MAGI2: variants seen among roughly 807,000 people sequenced by gnomAD.
The protein encoded by MAGI2 is membrane associated guanylate kinase, WW and PDZ domain containing 2, also known as membrane-associated guanylate kinase, WW and PDZ domain-containing protein 2.
In MAGI2, 35 loss-of-function variants were observed where a neutral mutation model predicts 133.3. The observed-to-expected ratio is 0.26, with a 90% confidence interval of 0.20 to 0.35. The LOEUF is 0.35. Among genes scored for constraint, MAGI2 ranks in the 10% least tolerant of loss-of-function variants. MAGI2 has a pLI of 1.00. For missense variants in MAGI2, 1,636 were observed against 1,863.4 expected, an observed-to-expected ratio of 0.88 and a Z score of 2.25; for synonymous variants, 729 against 710.6, an observed-to-expected ratio of 1.03 and a Z score of -0.41.
chr7:78,680,867 G>A (rs997101684), intron 2 of MAGI2, among the ~76,000 whole-genome samples: 1 of 152,038 alleles, frequency 6.6e-6, no homozygotes, highest in Non-Finnish European at 1.5e-5. Context: ...GAGAGGGCTG[G>A]GATAAGCACT....
chr7:78,915,450 A>G (rs1427537426), intron 2 of MAGI2, among the ~76,000 whole-genome samples: 1 of 152,124 alleles, frequency 6.6e-6, no homozygotes, highest in African/African-American at 2.4e-5. Context: ...GCATATAAAT[A>G]AAATTATATT....
At chr7:79,324,657 ATATATATATAAAATATATATATAT>A (rs1563116749) in intron 1 of MAGI2, among the ~76,000 whole-genome samples, 34 of 2,516 alleles carry the variant, frequency 0.014, 7 homozygotes, top group Non-Finnish European at 0.095. Flanking sequence ...TATATATATT[ATATATATATAAAATATATATATAT>A]TATATATATA....
intron 6 of MAGI2, among the ~76,000 whole-genome samples, chr7:78,395,230 A>G (rs10234248): frequency 0.54 from 81,945 of 152,034 alleles, 23,003 homozygotes; most frequent in Middle Eastern, 0.66. Flanking sequence ...GAAAGCAGAA[A>G]GATAAGCACA....
chr7:78,074,197 A>T (rs1815030433), intron 21 of MAGI2, among the ~76,000 whole-genome samples: 1 of 152,184 alleles, frequency 6.6e-6, no homozygotes, highest in East Asian at 1.9e-4. Flanking sequence ...GTAATTAGAG[A>T]TGACATATTT....
At chr7:78,033,895 C>T (rs1189826424) in intron 21 of MAGI2, among the ~76,000 whole-genome samples, 1 of 152,028 alleles carries the variant, frequency 6.6e-6, no homozygotes, top group Non-Finnish European at 1.5e-5. Flanking sequence ...GGACCCTCAC[C>T]CTGTAGACAA....
intron 2 of MAGI2, among the ~76,000 whole-genome samples, chr7:78,843,899 A>G (rs1438663288): frequency 6.6e-6 from 1 of 150,546 alleles, no homozygotes; most frequent in African/African-American, 2.4e-5. Flanking sequence ...AAAAATGCAG[A>G]TTTTGAGGCA....
At chr7:79,237,900 T>C (rs1832064196) in intron 1 of MAGI2, among the ~76,000 whole-genome samples, 1 of 152,162 alleles carries the variant, frequency 6.6e-6, no homozygotes, top group South Asian at 2.1e-4. Context: ...TTCCTTAGGA[T>C]AGACTTCTGG....
At chr7:78,507,584 C>G (rs1795199245) in intron 4 of MAGI2, among the ~76,000 whole-genome samples, 1 of 152,102 alleles carries the variant, frequency 6.6e-6, no homozygotes, top group Non-Finnish European at 1.5e-5. Context: ...GAAGACATGT[C>G]TCCCCCAACT....
At chr7:79,212,120 AT>A (rs1412318134) in intron 1 of MAGI2, among the ~76,000 whole-genome samples, 8 of 152,226 alleles carry the variant, frequency 5.3e-5, no homozygotes, top group African/African-American at 1.9e-4. Flanking sequence ...ACTTATTACA[AT>A]ACACATACTT....
intron 1 of MAGI2, among the ~76,000 whole-genome samples, chr7:79,263,378 T>C (rs1405391693): frequency 6.6e-6 from 1 of 152,002 alleles, no homozygotes; most frequent in Non-Finnish European, 1.5e-5. Context: ...TAGAGGTAAA[T>C]AGAAATAGCA....
intron 2 of MAGI2, among the ~76,000 whole-genome samples, chr7:78,698,271 C>A (rs993452363): frequency 2.0e-5 from 3 of 151,950 alleles, no homozygotes; most frequent in Non-Finnish European, 2.9e-5. Context: ...TCTGAAAATT[C>A]GAAATCCAAA....
chr7:79,345,891 C>A (rs553845842), intron 1 of MAGI2, among the ~76,000 whole-genome samples: 1 of 152,002 alleles, frequency 6.6e-6, no homozygotes, highest in Non-Finnish European at 1.5e-5. Flanking sequence ...CCATTATTTC[C>A]ACTGTTGCAC....
At chr7:78,109,613 C>T (rs1359238053) in intron 20 of MAGI2, among the ~76,000 whole-genome samples, 1 of 152,104 alleles carries the variant, frequency 6.6e-6, no homozygotes, top group African/African-American at 2.4e-5. Context: ...GCCTGGGAGA[C>T]ATAGCAAGAC....
chr7:79,118,844 T>C (rs1403999240), intron 1 of MAGI2, among the ~76,000 whole-genome samples: 1 of 152,098 alleles, frequency 6.6e-6, no homozygotes, highest in African/African-American at 2.4e-5. Context: ...TCTTTATATA[T>C]ATCAATTAAG....
chr7:78,287,570 C>CAA (rs1227778557), intron 9 of MAGI2, among the ~76,000 whole-genome samples: 2 of 151,996 alleles, frequency 1.3e-5, no homozygotes, highest in Non-Finnish European at 2.9e-5. Flanking sequence ...TATTAGCTTT[C>CAA]AAAAATCTGT....
At chr7:78,059,775 A>ATTTTTTTTTT (rs141199304) in intron 21 of MAGI2, among the ~76,000 whole-genome samples, 1 of 89,446 alleles carries the variant, frequency 1.1e-5, no homozygotes, top group African/African-American at 4.2e-5. Flanking sequence ...ATATATATAT[A>ATTTTTTTTTT]TATTTTTTTT....
chr7:78,119,652 C>G (rs1251151207), intron 20 of MAGI2, among the ~76,000 whole-genome samples: 1 of 145,890 alleles, frequency 6.9e-6, no homozygotes, highest in Non-Finnish European at 1.5e-5. Context: ...TGTATCAATA[C>G]TTATTTGTCC....
chr7:78,141,406 A>G (rs754191782), intron 16 of MAGI2, among the ~76,000 whole-genome samples: 1 of 152,084 alleles, frequency 6.6e-6, no homozygotes, highest in Non-Finnish European at 1.5e-5. Flanking sequence ...ATTGTGACAA[A>G]CCCATTCAGA....
At chr7:78,866,904 A>C (rs561646510) in intron 2 of MAGI2, among the ~76,000 whole-genome samples, 1 of 152,160 alleles carries the variant, frequency 6.6e-6, no homozygotes, top group African/African-American at 2.4e-5. Context: ...ACTTCTCAAA[A>C]GAAGACATTT....
Sources: allele counts gnomAD v4.1 joint callset (sites outside exome capture counted in the v4.1 genomes callset), GRCh38; gene constraint gnomAD v4.1.1; transcripts MANE v1.5; gene names NCBI Gene and HGNC (gene_info 2026-07-23, HGNC 2026-07-21).